The following ITGA9 variants were observed in gnomAD, a reference collection of about 807,000 sequenced individuals.
ITGA9 encodes integrin alpha-9.
Under a neutral mutation model 127.8 loss-of-function variants are expected in ITGA9, and 56 were observed. The ratio of observed to expected loss-of-function variants is 0.44; its 90% confidence interval spans 0.35 to 0.55. ITGA9 has a LOEUF of 0.55. Ranked by LOEUF, ITGA9 falls within the 20% of genes least tolerant of loss-of-function variation. The pLI is 0.00. For missense variants in ITGA9, 1,196 were observed against 1,347.1 expected (o/e 0.89, Z 1.76); for synonymous variants, 508 against 514.5 (o/e 0.99, Z 0.17).
intron 17 of ITGA9, among the ~76,000 whole-genome samples, chr3:37,662,116 C>A (rs1461269507): frequency 6.6e-6 from 1 of 152,050 alleles, no homozygotes; most frequent in South Asian, 2.1e-4. Flanking sequence ...AGAATACAGC[C>A]AGGGGGCCAG....
intron 18 of ITGA9, among the ~76,000 whole-genome samples, chr3:37,711,635 C>T (rs981668353): frequency 4.6e-5 from 7 of 152,138 alleles, no homozygotes; most frequent in African/African-American, 1.7e-4. Context: ...AACTCCTGGC[C>T]TCAAGTGACC....
intron 23 of ITGA9, among the ~76,000 whole-genome samples, chr3:37,755,649 C>T (rs191765410): frequency 3.3e-5 from 5 of 152,034 alleles, no homozygotes; most frequent in South Asian, 4.2e-4. Context: ...GTAGGGGATT[C>T]GAAACTTGGA....
At chr3:37,670,447 C>T (rs950257637) in intron 17 of ITGA9, among the ~76,000 whole-genome samples, 5 of 152,202 alleles carry the variant, frequency 3.3e-5, no homozygotes, top group African/African-American at 1.2e-4. Flanking sequence ...TCTTGCTGAT[C>T]TGTGAACCCG....
chr3:37,695,635 C>T (rs1458791035), intron 18 of ITGA9, among the ~76,000 whole-genome samples: 1 of 152,208 alleles, frequency 6.6e-6, no homozygotes, highest in Non-Finnish European at 1.5e-5. Context: ...TCTGGGCTTC[C>T]ACTGCCCCCA....
At chr3:37,642,611 A>G (rs1700344097) in intron 16 of ITGA9, among the ~76,000 whole-genome samples, 1 of 152,242 alleles carries the variant, frequency 6.6e-6, no homozygotes, top group African/African-American at 2.4e-5. Flanking sequence ...TTGCAGTGAC[A>G]TATCTATACC....
intron 3 of ITGA9, among the ~76,000 whole-genome samples, chr3:37,478,407 C>T (rs1698517004): frequency 6.6e-6 from 1 of 152,196 alleles, no homozygotes; most frequent in East Asian, 1.9e-4. Flanking sequence ...CAAAAAAGGC[C>T]TTTGAAATAA....
intron 18 of ITGA9, among the ~76,000 whole-genome samples, chr3:37,722,564 T>A (rs1701201472): frequency 6.6e-6 from 1 of 152,250 alleles, no homozygotes; most frequent in African/African-American, 2.4e-5. Flanking sequence ...ATCATTTATA[T>A]GAAATGGAGC....
chr3:37,779,310 G>C (rs2125551173), intron 24 of ITGA9, among the ~76,000 whole-genome samples: 1 of 152,146 alleles, frequency 6.6e-6, no homozygotes, highest in Admixed American at 6.5e-5. Flanking sequence ...TCACCATGTT[G>C]GCCAAACTGG....
chr3:37,724,891 T>C (rs909073937), intron 18 of ITGA9, among the ~76,000 whole-genome samples: 3 of 152,226 alleles, frequency 2.0e-5, no homozygotes, highest in African/African-American at 4.8e-5. Context: ...AATTAATGAA[T>C]GTACAGATGG....
At chr3:37,499,868 A>C (rs1273623832) in intron 5 of ITGA9, among the ~76,000 whole-genome samples, 2 of 152,180 alleles carry the variant, frequency 1.3e-5, no homozygotes, top group Non-Finnish European at 2.9e-5. Context: ...ATGCAGTGGT[A>C]TGGTAGGCAT....
intron 18 of ITGA9, among the ~76,000 whole-genome samples, chr3:37,715,295 A>G (rs1324683300): frequency 1.3e-5 from 2 of 152,174 alleles, no homozygotes; most frequent in Non-Finnish European, 2.9e-5. Flanking sequence ...TCATTCCAGC[A>G]ACGCTGTGGG....
intron 11 of ITGA9, among the ~76,000 whole-genome samples, chr3:37,519,818 A>G (rs910062218): frequency 2.6e-5 from 4 of 152,240 alleles, no homozygotes; most frequent in African/African-American, 9.6e-5. Context: ...CTTGCGCCCT[A>G]TACTTGGGAA....
At chr3:37,679,528 G>A (rs1156745728) in intron 17 of ITGA9, among the ~76,000 whole-genome samples, 4 of 152,156 alleles carry the variant, frequency 2.6e-5, no homozygotes, top group Non-Finnish European at 5.9e-5. Flanking sequence ...CCTCAGTTGG[G>A]TGGGTTCCCC....
intron 17 of ITGA9, among the ~76,000 whole-genome samples, chr3:37,669,544 T>C (rs1174931732): frequency 6.6e-6 from 1 of 152,192 alleles, no homozygotes; most frequent in African/African-American, 2.4e-5. Flanking sequence ...ATTTATCTGC[T>C]CTTAGATCTC....
At chr3:37,648,157 T>A (rs1700397494) in intron 16 of ITGA9, among the ~76,000 whole-genome samples, 1 of 152,206 alleles carries the variant, frequency 6.6e-6, no homozygotes, top group Non-Finnish European at 1.5e-5. Context: ...GTATAAGGGT[T>A]CCCTTTTCTC....
intron 24 of ITGA9, among the ~76,000 whole-genome samples, chr3:37,779,160 A>T (rs1023807426): frequency 6.6e-6 from 1 of 152,136 alleles, no homozygotes; most frequent in Non-Finnish European, 1.5e-5. Context: ...GGTGGAGTGC[A>T]GTGGCATGAT....
intron 23 of ITGA9, among the ~76,000 whole-genome samples, chr3:37,754,949 G>C (rs1363298399): frequency 6.6e-6 from 1 of 152,108 alleles, no homozygotes; most frequent in African/African-American, 2.4e-5. Flanking sequence ...ATAAATGGAG[G>C]AATGAATTGT....
At chr3:37,766,477 G>A (rs1432336621) in intron 23 of ITGA9, among the ~76,000 whole-genome samples, 2 of 152,198 alleles carry the variant, frequency 1.3e-5, no homozygotes, top group East Asian at 3.8e-4. Context: ...TAGATAGATG[G>A]TGATGTAGGA....
chr3:37,811,827 A>C (rs1298735930), intron 27 of ITGA9, among the ~76,000 whole-genome samples: 3 of 152,218 alleles, frequency 2.0e-5, no homozygotes, highest in Non-Finnish European at 4.4e-5. Flanking sequence ...CAGGCTGCAG[A>C]ATGTGTTTGC....
Sources: gnomAD v4.1 joint callset for allele counts (sites outside exome capture counted in the v4.1 genomes callset) on GRCh38, gnomAD v4.1.1 for gene constraint, MANE v1.5 for transcripts, NCBI Gene and HGNC (gene_info 2026-07-23, HGNC 2026-07-21) for gene names.